The following TEX11 variants were observed in gnomAD, a reference collection of about 807,000 sequenced individuals.
TEX11 encodes testis expressed 11, also known as testis-expressed protein 11.
Under a neutral mutation model 84.4 loss-of-function variants are expected in TEX11, and 7 were observed. The ratio of observed to expected loss-of-function variants is 0.08; its 90% CI spans 0.05 to 0.16. TEX11 has a LOEUF of 0.16. Among genes scored for constraint, TEX11 ranks in the 10% least tolerant of loss-of-function variants. The pLI, the probability that TEX11 is intolerant of heterozygous loss-of-function variation, is 1.00. For missense variants in TEX11, 551 were observed against 660.5 expected, an observed-to-expected ratio of 0.83 and a Z score of 1.82; for synonymous variants, 264 against 222.8, an observed-to-expected ratio of 1.18 and a Z score of -1.64.
At chrX:70,817,639 A>T (rs774917447) in intron 8 of TEX11, among the ~76,000 whole-genome samples, 1 of 110,822 alleles carries the variant, frequency 9.0e-6, no homozygotes, top group East Asian at 2.9e-4. Context: ...AGCCAAGATC[A>T]TGCCGCTGCA....
At position 70,853,519 on chromosome X, in the gene TEX11, T is replaced by C. The variant is rs780106206; in HGVS notation, c.325-191A>G. Reference sequence around the variant, plus strand: ...GAACTCCACAATTTAAAAGAAATGGTCATAAAGACAAAAATAATAGCAAAA... The same window carrying C: ...GAACTCCACAATTTAAAAGAAATGGCCATAAAGACAAAAATAATAGCAAAA... On this transcript the variant is annotated intron_variant, in intron 5 of 29. Coordinates refer to ENST00000374333, the MANE Select transcript of TEX11 (RefSeq NM_031276.3). Among the ~76,000 whole-genome samples, 5 of 111,734 alleles carry C rather than the reference T, an allele frequency of 4.5e-5. No individual in the cohort carries two copies. The East Asian group carries it at 8.4e-4, about 19-fold the overall frequency.
At chrX:70,862,971 C>T (rs907602834) in intron 4 of TEX11, among the ~76,000 whole-genome samples, 13 of 109,548 alleles carry the variant, frequency 1.2e-4, no homozygotes, top group Admixed American at 9.8e-5. Flanking sequence ...CAACACAGTG[C>T]GACAAAGCGG....
At chrX:70,539,038 A>ATATATATATATGTTTT in intron 28 of TEX11, among the ~76,000 whole-genome samples, 1 of 41,255 alleles carries the variant, frequency 2.4e-5, no homozygotes, top group Non-Finnish European at 4.1e-5. Context: ...ATATATATAT[A>ATATATATATATGTTTT]TTTTTTTTTT....
At chrX:70,905,188 C>T (rs1022813952) in intron 2 of TEX11, among the ~76,000 whole-genome samples, 2 of 111,587 alleles carry the variant, frequency 1.8e-5, no homozygotes, top group Non-Finnish European at 3.8e-5. Context: ...CCAGGCGTGG[C>T]GGCATGCACC....
At chrX:70,569,250 G>A (rs1486401159) in intron 25 of TEX11, among the ~76,000 whole-genome samples, 2 of 111,854 alleles carry the variant, frequency 1.8e-5, no homozygotes, top group Non-Finnish European at 3.8e-5. Context: ...TTGGCTTTCA[G>A]CTCCATCAGC....
chrX:70,677,063 G>A (rs1246663790), intron 15 of TEX11, among the ~76,000 whole-genome samples: 1 of 111,890 alleles, frequency 8.9e-6, no homozygotes, highest in Admixed American at 9.5e-5. Flanking sequence ...CTCATTATAG[G>A]TTGCATTTTC....
rs948610797 is a variant in TEX11 at position 70,586,045 on chromosome X, C to T, written c.2140+5706G>A. ...CCAGCCTGGGCAACAAGCAAAACTC[C>T]GTCTCAAAACAAACAAACAAACAAA... On this transcript the variant is annotated intron_variant, in intron 25 of 29. Coordinates refer to ENST00000374333, the MANE Select transcript of TEX11 (RefSeq NM_031276.3). Among the ~76,000 whole-genome samples the T allele has an allele frequency of 6.2e-5, 7 of 112,475 alleles. No individual in the cohort carries two copies. In the East Asian group the frequency reaches 1.4e-3, roughly 22 times the overall value.
chrX:70,872,435 A>G (rs1191437516), intron 4 of TEX11, among the ~76,000 whole-genome samples: 1 of 112,829 alleles, frequency 8.9e-6, no homozygotes, highest in Admixed American at 9.4e-5. Context: ...TTTGTTGCAT[A>G]CAGACAAAAG....
At chrX:70,858,317 C>CT (rs766776526) in intron 5 of TEX11, among the ~76,000 whole-genome samples, 1 of 108,120 alleles carries the variant, frequency 9.2e-6, no homozygotes, top group South Asian at 4.1e-4. Context: ...GTGCAGTGGC[C>CT]TGTAATCCCA....
intron 15 of TEX11, among the ~76,000 whole-genome samples, chrX:70,675,705 T>C (rs1031348136): frequency 9.0e-6 from 1 of 110,522 alleles, no homozygotes; most frequent in Admixed American, 9.6e-5. Context: ...ACTTGGCTCA[T>C]TGCAACATCT....
At chrX:70,749,177 G>A (rs186037380) in intron 9 of TEX11, among the ~76,000 whole-genome samples, 1,791 of 108,265 alleles carry the variant, frequency 0.017, 44 homozygotes, top group African/African-American at 0.058. Flanking sequence ...TATTCTCTTT[G>A]AAGCAATTTT....
At chrX:70,750,933 A>AAAAAAT (rs1390175136) in intron 9 of TEX11, among the ~76,000 whole-genome samples, 15 of 28,194 alleles carry the variant, frequency 5.3e-4, no homozygotes, top group East Asian at 1.8e-3. Flanking sequence ...AAAAAAAAAA[A>AAAAAAT]ATATATATAT....
At chrX:70,846,569 T>G (rs1373123532) in intron 7 of TEX11, among the ~76,000 whole-genome samples, 1 of 112,353 alleles carries the variant, frequency 8.9e-6, no homozygotes, top group Admixed American at 9.5e-5. Context: ...TACAGTCTAT[T>G]TTCTACTATT....
chrX:70,790,676 G>A (rs944395721), intron 9 of TEX11, among the ~76,000 whole-genome samples: 2 of 111,942 alleles, frequency 1.8e-5, no homozygotes, highest in Non-Finnish European at 3.8e-5. Context: ...TGATCTGCAT[G>A]CCCCTCTGTC....
At chrX:70,691,116 A>C (rs979886895) in intron 13 of TEX11, among the ~76,000 whole-genome samples, 6 of 112,231 alleles carry the variant, frequency 5.3e-5, no homozygotes, top group African/African-American at 1.9e-4. Flanking sequence ...AGGGAGATGC[A>C]AATGAAAACT....
At chrX:70,897,758 T>G (rs1602222106) in intron 2 of TEX11, among the ~76,000 whole-genome samples, 1 of 110,650 alleles carries the variant, frequency 9.0e-6, no homozygotes, top group East Asian at 2.8e-4. Flanking sequence ...AGTTATTTTA[T>G]TCAATCATTC....
At position 70,568,757 on chromosome X, in the gene TEX11, G is replaced by C. The variant is rs768838930; in HGVS notation, c.2141-13957C>G. The stretch of plus-strand genomic sequence containing the variant: ...CCCCCACTCTCTTCTGGCTTTTAGA[G>C]TTTCTGCCGAGAGATCAGCTGTTAG... On this transcript the variant is annotated intron_variant, in intron 25 of 29. Transcript: ENST00000374333. Among the ~76,000 whole-genome samples the C allele has an allele frequency of 3.9e-4, 44 of 111,748 alleles. No homozygotes were observed. In the South Asian group the frequency reaches 7.6e-3, roughly 19 times the overall value.
At chrX:70,890,231 T>G (rs1157645879) in intron 2 of TEX11, among the ~76,000 whole-genome samples, 2 of 111,733 alleles carry the variant, frequency 1.8e-5, no homozygotes, top group Non-Finnish European at 3.8e-5. Flanking sequence ...CATTCCAAGA[T>G]GGTCAAATAG....
rs749947957 is a variant in TEX11 at position 70,854,409 on chromosome X, A to T, written c.325-1081T>A. 1.3e-3 allele frequency among the ~76,000 whole-genome samples: 138 copies of T among 107,703 alleles called. 1 individual carries two copies. The highest frequency in any genetic ancestry group is 4.4e-3 in the African/African-American group (132 of 29,785). The allele number at this position is 107,703 out of a possible 115,157, so 93.5% of individuals were successfully genotyped here. A position where few individuals can be genotyped will look rare whatever the true frequency, so the allele number is the denominator to read the frequency against. ...AGAGATAAACTCCAAATTTGATTTT[A>T]AAAAAAAAAGAAAGAAAAGTTTAAA... On this transcript the variant is annotated intron_variant, in intron 5 of 29. Transcript: ENST00000374333.
Sources: gnomAD v4.1 joint callset for allele counts (sites outside exome capture counted in the v4.1 genomes callset) on GRCh38, gnomAD v4.1.1 for gene constraint, MANE v1.5 for transcripts, NCBI Gene and HGNC (gene_info 2026-07-23, HGNC 2026-07-21) for gene names.